The following AHRR variants were observed in gnomAD, a reference collection of about 807,000 sequenced individuals.
AHRR encodes ahR repressor.
A neutral mutation model predicts 44.0 loss-of-function variants in AHRR; 28 were observed. That is an observed-to-expected ratio of 0.64 (90% confidence interval 0.47 to 0.87). The LOEUF (loss-of-function observed/expected upper bound fraction) is 0.87. AHRR is among the 40% of genes least tolerant of loss of function. The probability of loss-of-function intolerance (pLI) is 0.00; values close to 1 mark genes in which losing one functional copy is unlikely to be tolerated. For synonymous variants in AHRR, 434 were observed against 407.0 expected (o/e 1.07, Z -0.80); for missense variants, 990 against 953.9 (o/e 1.04, Z -0.50).
At chr5:324,007 C>CT (rs1192093138) in intron 1 of AHRR, among the ~76,000 whole-genome samples, 1 of 90,834 alleles carries the variant, frequency 1.1e-5, no homozygotes, top group African/African-American at 5.5e-5. Context: ...CTTTTTTTCT[C>CT]TTTCTTTCTT....
chr5:394,296 C>T (rs1303634477), intron 4 of AHRR, among the ~76,000 whole-genome samples: 1 of 147,330 alleles, frequency 6.8e-6, no homozygotes, highest in Non-Finnish European at 1.5e-5. Context: ...CTCCCCTTTC[C>T]TCCCTGTGTG....
chr5:398,137 ATGT>A (rs1734835876), intron 4 of AHRR, among the ~76,000 whole-genome samples: 1 of 102,488 alleles, frequency 9.8e-6, no homozygotes, highest in African/African-American at 4.0e-5. Flanking sequence ...CTGACCGTCC[ATGT>A]TAGCCCCTGA....
At chr5:431,002 C>T (rs1210935359) in intron 8 of AHRR, among the ~76,000 whole-genome samples, 1 of 152,222 alleles carries the variant, frequency 6.6e-6, no homozygotes, top group African/African-American at 2.4e-5. Context: ...TCTTCCGGCA[C>T]CTACAGGGAC....
At chr5:389,701 A>G (rs927880126) in intron 4 of AHRR, among the ~76,000 whole-genome samples, 5 of 151,880 alleles carry the variant, frequency 3.3e-5, no homozygotes, top group Admixed American at 1.3e-4. Flanking sequence ...CTGACGGCCC[A>G]GAGAAAGGAC....
At chr5:360,136 G>A (rs868837212) in intron 3 of AHRR, among the ~76,000 whole-genome samples, 7 of 152,124 alleles carry the variant, frequency 4.6e-5, no homozygotes, top group African/African-American at 1.7e-4. Flanking sequence ...TGGGGGTGGG[G>A]GGTGGCCTGA....
chr5:386,734 C>T (rs1408931852), intron 4 of AHRR, among the ~76,000 whole-genome samples: 1 of 152,226 alleles, frequency 6.6e-6, no homozygotes, highest in African/African-American at 2.4e-5. Context: ...TAATGTGCTA[C>T]AGCAGTAACA....
At chr5:340,687 TA>T (rs201467463) in intron 1 of AHRR, among the ~76,000 whole-genome samples, 421 of 27,306 alleles carry the variant, frequency 0.015, 3 homozygotes, top group East Asian at 0.03. Flanking sequence ...TATATATATA[TA>T]TTTTTTTTTT....
rs1741723175 is a variant in AHRR at position 326,673 on chromosome 5, CA to C, written c.-11+4855del. ...GAGGAAACACCACACTTTTCCACAG[CA>C]GGTGCACCATTTTACATTTTCACCA... On this transcript the variant is annotated intron_variant, in intron 1 of 10. Coordinates refer to ENST00000684583, the MANE Select transcript of AHRR (RefSeq NM_001377236.1). The surrounding 1 kb of genome is among the most constrained non-coding windows in gnomAD (Gnocchi z 4.1). Among the ~76,000 whole-genome samples the C allele has an allele frequency of 6.6e-6, 1 of 152,170 alleles. No individual in the cohort carries two copies. The highest frequency in any genetic ancestry group is 1.5e-5 in the Non-Finnish European group (1 of 68,046).
chr5:403,761 AT>A, intron 4 of AHRR: 1 of 1,477,842 alleles, frequency 6.8e-7, no homozygotes, highest in Non-Finnish European at 9.3e-7. Context: ...ATTCCTTATC[AT>A]TTCCATGGTC....
At chr5:429,400 G>A (rs978265512) in intron 8 of AHRR, among the ~76,000 whole-genome samples, 2 of 152,226 alleles carry the variant, frequency 1.3e-5, no homozygotes, top group Non-Finnish European at 2.9e-5. Context: ...CCACCTGGGC[G>A]AGTTGCCGCT....
At chr5:427,583 C>T (rs1415293904) in intron 7 of AHRR, 5 of 1,602,652 alleles carry the variant, frequency 3.1e-6, no homozygotes, top group Non-Finnish European at 4.3e-6. Context: ...TCCAGAGAAA[C>T]TGGGAGTGGG....
At chr5:368,704 A>G (rs1743459425) in intron 3 of AHRR, among the ~76,000 whole-genome samples, 2 of 152,192 alleles carry the variant, frequency 1.3e-5, no homozygotes, top group African/African-American at 4.8e-5. Context: ...GACTCTGGTG[A>G]CCGCAGAGCC....
intron 4 of AHRR, among the ~76,000 whole-genome samples, chr5:392,475 C>G (rs1166196962): frequency 6.6e-6 from 1 of 151,054 alleles, no homozygotes; most frequent in Non-Finnish European, 1.5e-5. Flanking sequence ...AGAGTGTGCA[C>G]GGGCGCAGGG....
At chr5:421,339 C>A in intron 5 of AHRR, 1 of 691,462 alleles carries the variant, frequency 1.4e-6, no homozygotes, top group South Asian at 1.5e-5. Flanking sequence ...AGGGGGATGC[C>A]GGTGGGTATC....
At chr5:348,308 G>A (rs1375031390) in intron 2 of AHRR, among the ~76,000 whole-genome samples, 1 of 151,702 alleles carries the variant, frequency 6.6e-6, no homozygotes, top group Non-Finnish European at 1.5e-5. Flanking sequence ...ATGACACTGT[G>A]GAAGCCACAG....
chr5:432,269 G>T, intron 8 of AHRR, 194 bp from the exon 9 acceptor site: 1 of 570,234 alleles, frequency 1.8e-6, no homozygotes, highest in Non-Finnish European at 3.1e-6. Context: ...AATATTTTCA[G>T]TAAACCTGTA....
At chr5:368,041 G>T in intron 3 of AHRR, 1 of 643,840 alleles carries the variant, frequency 1.6e-6, no homozygotes, top group Non-Finnish European at 2.8e-6. Flanking sequence ...CCCCATATGG[G>T]TGTTAGTTGT....
chr5:416,124 G>A (rs535385372), intron 5 of AHRR, among the ~76,000 whole-genome samples: 6 of 152,356 alleles, frequency 3.9e-5, no homozygotes, highest in Non-Finnish European at 7.3e-5. Flanking sequence ...TCGTCAGCAC[G>A]CCTGGGCTGG....
chr5:351,940 CAA>C (rs569466060), intron 2 of AHRR, among the ~76,000 whole-genome samples: 288 of 152,314 alleles, frequency 1.9e-3, no homozygotes, highest in Non-Finnish European at 3.4e-3. Context: ...AACTTCTTGA[CAA>C]AAGAGACCCA....
Sources: gnomAD v4.1 joint callset for allele counts (sites outside exome capture counted in the v4.1 genomes callset) on GRCh38, gnomAD v4.1.1 for gene constraint, Gnocchi (gnomAD v3.1) non-coding constraint, MANE v1.5 for transcripts, NCBI Gene and HGNC (gene_info 2026-07-23, HGNC 2026-07-21) for gene names.